Variants in AKAP8L observed in about 807,000 individuals in gnomAD.
The protein encoded by AKAP8L is A-kinase anchoring protein 8 like.
Under a neutral mutation model 77.5 loss-of-function variants are expected in AKAP8L, and 34 were observed. That is an observed-to-expected ratio of 0.44 (90% confidence interval 0.33 to 0.58). The LOEUF (loss-of-function observed/expected upper bound fraction) is 0.58, where lower values mean the gene tolerates loss of function less well. Ranked by LOEUF, AKAP8L falls within the 20% of genes least tolerant of loss-of-function variation. The pLI, the probability that AKAP8L is intolerant of heterozygous loss-of-function variation, is 0.02. For missense variants in AKAP8L, 806 were observed against 887.6 expected, an observed-to-expected ratio of 0.91 and a Z score of 1.17; for synonymous variants, 342 against 340.7, an observed-to-expected ratio of 1.00 and a Z score of -0.04.
chr19:15,416,440 G>C (rs1175616938), intron 1 of AKAP8L, among the ~76,000 whole-genome samples: 1 of 152,180 alleles, frequency 6.6e-6, no homozygotes, highest in East Asian at 1.9e-4. Flanking sequence ...TACTCCAGCA[G>C]CCAGCCCTAG....
At chr19:15,396,334 C>T (rs937076012) in intron 12 of AKAP8L, among the ~76,000 whole-genome samples, 2 of 152,006 alleles carry the variant, frequency 1.3e-5, no homozygotes, top group African/African-American at 4.8e-5. Context: ...GCTCTCTGCC[C>T]ATACACAGCC....
intron 8 of AKAP8L, 143 bp downstream of exon 8, chr19:15,400,152 C>CA: frequency 1.3e-6 from 1 of 799,994 alleles, no homozygotes. Flanking sequence ...GAAAAGAAAG[C>CA]CCCCTGCCAG....
rs1281202478 is a variant in AKAP8L, at chr19:15,381,866, A to G, written c.1537-1254T>C. 7.2e-5 allele frequency: 11 copies of G among 152,226 alleles called. No individual in the cohort carries two copies. In the East Asian group the frequency reaches 2.1e-3, roughly 29 times the overall value. The allele number at this position is 152,226 out of a possible 1,614,324, so 9.4% of individuals were successfully genotyped here. A position where few individuals can be genotyped will look rare whatever the true frequency, so the allele number is the denominator to read the frequency against. Reference sequence around the variant, plus strand: ...TTCTCCACAATAACCCAGCAACACTAGAATAAACTTGTACACTTCCATGCT... The same window carrying G: ...TTCTCCACAATAACCCAGCAACACTGGAATAAACTTGTACACTTCCATGCT... On this transcript the variant is annotated intron_variant, in intron 12 of 13. Transcript: ENST00000397410.
Position 15,399,855 on chromosome 19 carries a change from G to A in AKAP8L, c.1048+440C>T, listed in dbSNP as rs1386222943. 5 of 309,906 alleles carry A rather than the reference G, an allele frequency of 1.6e-5. No individual in the cohort carries two copies. The highest frequency in any genetic ancestry group is 3.1e-5 in the Non-Finnish European group (5 of 163,388). 19.2% of individuals were successfully genotyped at this position (309,906 alleles called of 1,614,324 possible). ...ACCTGCTGGCGCTCATCACTCAGGT[G>A]GGGGGACACGGAATCCCAACAGGGG... On this transcript the variant is annotated intron_variant, in intron 8 of 13. Coordinates refer to ENST00000397410, the MANE Select transcript of AKAP8L (RefSeq NM_014371.4). The surrounding 1 kb of genome is among the most constrained non-coding windows in gnomAD (Gnocchi z 6.1).
intron 1 of AKAP8L, among the ~76,000 whole-genome samples, chr19:15,418,304 G>A (rs766025240): frequency 2.6e-5 from 4 of 152,194 alleles, no homozygotes; most frequent in Non-Finnish European, 4.4e-5. Context: ...AGACGCAGAG[G>A]GAATTAACAT....
At chr19:15,410,640 G>A (rs769334642) in intron 1 of AKAP8L, 46 bp from the exon 2 acceptor site, 3 of 1,476,984 alleles carry the variant, frequency 2.0e-6, no homozygotes, top group African/African-American at 1.4e-5. Context: ...CAAGTCACAG[G>A]GAAATGACCT....
At chr19:15,394,537 T>C (rs1021523292) in intron 12 of AKAP8L, among the ~76,000 whole-genome samples, 1 of 152,158 alleles carries the variant, frequency 6.6e-6, no homozygotes, top group African/African-American at 2.4e-5. Flanking sequence ...AATTGGTTTT[T>C]TTTTTCATTT....
rs764344042 is a variant in AKAP8L at position 15,403,576 on chromosome 19, A to T, written c.261T>A (p.Ser87Arg). 1 of 1,614,006 alleles carries T rather than the reference A, an allele frequency of 6.2e-7. No homozygotes were observed. The highest frequency in any genetic ancestry group is 1.1e-5 in the South Asian group (1 of 91,080). Residue 87 changes from serine to arginine, a missense_variant, in exon 4 of 14, where the codon AGT (serine) becomes AGA (arginine). Transcript: ENST00000397410. The surrounding 1 kb of genome is among the most constrained non-coding windows in gnomAD (Gnocchi z 4.3). ...NANTSASGSA[S>R]ADSVLSRINQ... Reference sequence around the variant, plus strand: ...TAATTCTGGATAAAACGGAATCGGCACTGGCGCTACCCGAGGCACTAGTGT... The same window carrying T: ...TAATTCTGGATAAAACGGAATCGGCTCTGGCGCTACCCGAGGCACTAGTGT...
Position 15,398,776 on chromosome 19 carries a change from G to A in AKAP8L, c.1157+526C>T. On this transcript the variant is annotated intron_variant, in intron 9 of 13. Coordinates refer to ENST00000397410, the MANE Select transcript of AKAP8L (RefSeq NM_014371.4). The surrounding 1 kb of genome is among the most constrained non-coding windows in gnomAD (Gnocchi z 9.2). ...CGCCAGTGCGGGAGCCCTGAGGGCA[G>A]ACAGACCCGACCAAGGGGCGTGAAG... is the stretch of plus-strand genomic sequence containing the variant. 2 of 996,318 alleles carry A rather than the reference G, an allele frequency of 2.0e-6. No individual in the cohort carries two copies. Among genetic ancestry groups the A allele is most frequent in the Non-Finnish European group, 2.4e-6 (2 of 836,686 alleles). 61.7% of individuals were successfully genotyped at this position (996,318 alleles called of 1,614,324 possible). A position where few individuals can be genotyped will look rare whatever the true frequency, so the allele number is the denominator to read the frequency against.
In AKAP8L at chr19:15,398,699, C is replaced by A. The variant is rs914802135; in HGVS notation, c.1157+603G>T. 1.4e-5 allele frequency: 14 copies of A among 987,868 alleles called. No homozygotes were observed. The highest frequency in any genetic ancestry group is 1.7e-5 in the Non-Finnish European group (14 of 831,590). 61.2% of individuals were successfully genotyped at this position (987,868 alleles called of 1,614,324 possible). A position where few individuals can be genotyped will look rare whatever the true frequency, so the allele number is the denominator to read the frequency against. ...GGAGAGCCCAGGGGCCGGGCGCCGGCGAGGCTGAGGAAGGTCCAGCAAGAG... is the reference window on the plus strand; with the variant it reads ...GGAGAGCCCAGGGGCCGGGCGCCGGAGAGGCTGAGGAAGGTCCAGCAAGAG... On this transcript the variant is annotated intron_variant, in intron 9 of 13. Coordinates refer to ENST00000397410, the MANE Select transcript of AKAP8L (RefSeq NM_014371.4). This position sits in a 1 kb window ranked among gnomAD's most constrained non-coding sequence, Gnocchi z 9.2.
At chr19:15,395,993 A>AAAAAAAAAAG (rs1452561152) in intron 12 of AKAP8L, among the ~76,000 whole-genome samples, 1 of 141,866 alleles carries the variant, frequency 7.0e-6, no homozygotes, top group African/African-American at 2.9e-5. Flanking sequence ...CAAAAAAAAA[A>AAAAAAAAAAG]AAAAAAAAAG....
chr19:15,385,565 T>G (rs1013938358), intron 12 of AKAP8L, among the ~76,000 whole-genome samples: 1 of 152,158 alleles, frequency 6.6e-6, no homozygotes, highest in Non-Finnish European at 1.5e-5. Flanking sequence ...GGATCACTAC[T>G]AGATTGATAG....
intron 2 of AKAP8L, among the ~76,000 whole-genome samples, chr19:15,404,951 G>A (rs1967967499): frequency 6.6e-6 from 1 of 152,246 alleles, no homozygotes; most frequent in Non-Finnish European, 1.5e-5. Flanking sequence ...AGAAATCAGA[G>A]AGAAGCTGAG....
chr19:15,384,882 T>C (rs2145104863), intron 12 of AKAP8L, among the ~76,000 whole-genome samples: 1 of 152,328 alleles, frequency 6.6e-6, no homozygotes, highest in East Asian at 1.9e-4. Context: ...TTTTTGTTTT[T>C]GTTTTTGAGA....
intron 12 of AKAP8L, among the ~76,000 whole-genome samples, chr19:15,384,464 TA>T (rs1164189686): frequency 8.6e-5 from 13 of 151,672 alleles, no homozygotes; most frequent in African/African-American, 3.2e-4. Flanking sequence ...CACGCCCAGC[TA>T]ATTTTTTGTA....
rs1967929399 is a variant in AKAP8L at position 15,403,045 on chromosome 19, G to A, written c.362+430C>T. Among the ~76,000 whole-genome samples the A allele has an allele frequency of 6.6e-6, 1 of 152,180 alleles. No homozygotes were observed. Among genetic ancestry groups the A allele is most frequent in the Admixed American group, 6.5e-5 (1 of 15,274 alleles). ...CCACACCTGCCCCGACCCTTACGTG[G>A]GGGTGGCCCAGCTCGCAGTGATCAG... On this transcript the variant is annotated intron_variant, in intron 4 of 13. Transcript: ENST00000397410. The surrounding 1 kb of genome is among the most constrained non-coding windows in gnomAD (Gnocchi z 4.3).
chr19:15,408,391 C>T (rs747136209), intron 2 of AKAP8L, among the ~76,000 whole-genome samples: 1 of 151,580 alleles, frequency 6.6e-6, no homozygotes, highest in Non-Finnish European at 1.5e-5. Flanking sequence ...GTGGTGAAAC[C>T]GTCTCTACTA....
intron 12 of AKAP8L, among the ~76,000 whole-genome samples, chr19:15,387,965 G>C (rs529302085): frequency 6.6e-6 from 1 of 152,022 alleles, no homozygotes; most frequent in East Asian, 1.9e-4. Flanking sequence ...GTCTGGGAGA[G>C]GGGGCGGGGA....
chr19:15,395,983 C>CAGAAAAA (rs1452398542), intron 12 of AKAP8L, among the ~76,000 whole-genome samples: 2 of 40,502 alleles, frequency 4.9e-5, no homozygotes, highest in Non-Finnish European at 8.9e-5. Flanking sequence ...GACTCCGTCT[C>CAGAAAAA]AAAAAAAAAA....
Sources: allele counts gnomAD v4.1 joint callset (sites outside exome capture counted in the v4.1 genomes callset), GRCh38; gene constraint gnomAD v4.1.1; non-coding constraint Gnocchi (gnomAD v3.1); transcripts MANE v1.5; gene names NCBI Gene and HGNC (gene_info 2026-07-23, HGNC 2026-07-21).